LRMDA: variants seen among roughly 807,000 people sequenced by gnomAD.
The protein encoded by LRMDA is leucine rich melanocyte differentiation associated.
LRMDA carries 18 observed loss-of-function variants against 29.8 expected under a neutral mutation model. The observed-to-expected ratio is 0.60, with a 90% CI of 0.42 to 0.90. The LOEUF (loss-of-function observed/expected upper bound fraction) is 0.90, where lower values mean the gene tolerates loss of function less well. Ranked by LOEUF, LRMDA falls within the 40% of genes least tolerant of loss-of-function variation. The pLI is 0.00. For missense variants in LRMDA, 273 were observed against 273.9 expected, an observed-to-expected ratio of 1.00 and a Z score of 0.02; for synonymous variants, 125 against 109.4, an observed-to-expected ratio of 1.14 and a Z score of -0.89.
chr10:76,200,476 TCATC>T (rs1564683064), intron 5 of LRMDA, among the ~76,000 whole-genome samples: 1 of 152,190 alleles, frequency 6.6e-6, no homozygotes, highest in Non-Finnish European at 1.5e-5. Context: ...CTGATGCCAT[TCATC>T]GATCTAGTTG....
intron 2 of LRMDA, among the ~76,000 whole-genome samples, chr10:75,648,959 A>G (rs999661544): frequency 5.3e-5 from 8 of 152,206 alleles, no homozygotes; most frequent in African/African-American, 1.9e-4. Context: ...CTGTGGTCCC[A>G]TGTAACCCAT....
At chr10:76,133,288 ATTTTC>A (rs1850033105) in intron 5 of LRMDA, among the ~76,000 whole-genome samples, 1 of 151,782 alleles carries the variant, frequency 6.6e-6, no homozygotes. Flanking sequence ...GTGTGTGTAA[ATTTTC>A]TTAAGAAAGC....
chr10:75,648,365 AG>A lies in LRMDA; in HGVS notation c.131+209872del, dbSNP rs1391214012. On this transcript the variant is annotated intron_variant, in intron 2 of 6. Coordinates refer to ENST00000611255, the MANE Select transcript of LRMDA (RefSeq NM_001305581.2). ...CCTTTCCCTACAACTTGGGCTGCTC[AG>A]TGGAGCAGAATTATCTGCTTGAGAA... 2.6e-5 allele frequency among the ~76,000 whole-genome samples: 4 copies of A among 152,284 alleles called. No individual in the cohort carries two copies. In the East Asian group the frequency reaches 7.7e-4, roughly 29 times the overall value.
At chr10:75,602,850 G>C (rs953461225) in intron 2 of LRMDA, among the ~76,000 whole-genome samples, 1 of 152,162 alleles carries the variant, frequency 6.6e-6, no homozygotes, top group African/African-American at 2.4e-5. Flanking sequence ...TTATGAGTCT[G>C]TTCTCAAAAG....
rs377513928 is a variant in LRMDA, at chr10:76,027,699, T to A, written c.132-8309T>A. Among the ~76,000 whole-genome samples the A allele has an allele frequency of 1.0e-3, 154 of 152,322 alleles. 3 individuals carry two copies. The South Asian group carries it at 0.031, about 31-fold the overall frequency. ...CATGGAAGAAAATGCCCAGAAAAGC[T>A]TGGTGCAGATTAAAATTTGTGTGGA... is the stretch of plus-strand genomic sequence containing the variant. On this transcript the variant is annotated intron_variant, in intron 2 of 6. Transcript: ENST00000611255.
chr10:76,118,840 CTTTTTTTTTTTTT>C (rs962279433), intron 5 of LRMDA, among the ~76,000 whole-genome samples: 4 of 45,976 alleles, frequency 8.7e-5, no homozygotes, highest in African/African-American at 3.1e-4. Flanking sequence ...TGCAAATACA[CTTTTTTTTTTTTT>C]TTTTTTTTTT....
At chr10:76,084,900 A>G (rs1849109684) in intron 5 of LRMDA, among the ~76,000 whole-genome samples, 1 of 152,200 alleles carries the variant, frequency 6.6e-6, no homozygotes, top group African/African-American at 2.4e-5. Context: ...TCCTTGCTCA[A>G]TGTCATCTTC....
At chr10:76,047,448 A>G (rs1443989950) in intron 4 of LRMDA, 145 bp downstream of exon 4, 2 of 805,076 alleles carry the variant, frequency 2.5e-6, no homozygotes, top group African/African-American at 3.6e-5. Flanking sequence ...CCTTTTGGTA[A>G]CCTATAGCCA....
chr10:76,266,077 C>A (rs564295350), intron 5 of LRMDA, among the ~76,000 whole-genome samples: 1 of 152,120 alleles, frequency 6.6e-6, no homozygotes, highest in Non-Finnish European at 1.5e-5. Context: ...CCTCTTTAAG[C>A]CTTGATTAAC....
At chr10:76,494,463 G>A (rs1842863558) in intron 6 of LRMDA, among the ~76,000 whole-genome samples, 1 of 151,240 alleles carries the variant, frequency 6.6e-6, no homozygotes, top group African/African-American at 2.4e-5. Context: ...ATAGCATGAT[G>A]TCACCTCATT....
chr10:76,264,993 A>G (rs910367497), intron 5 of LRMDA, among the ~76,000 whole-genome samples: 1 of 152,210 alleles, frequency 6.6e-6, no homozygotes, highest in Non-Finnish European at 1.5e-5. Context: ...ACCTGTGGCA[A>G]TTTTAAACAT....
rs1319747027 is a variant in LRMDA, at chr10:76,557,320, T to A, written c.*32T>A. 2 of 1,526,804 alleles carry A rather than the reference T, an allele frequency of 1.3e-6. No homozygotes were observed. Among genetic ancestry groups the A allele is most frequent in the Non-Finnish European group, 1.8e-6 (2 of 1,104,800 alleles). 94.6% of individuals were successfully genotyped at this position (1,526,804 alleles called of 1,614,324 possible). A position where few individuals can be genotyped will look rare whatever the true frequency, so the allele number is the denominator to read the frequency against. On this transcript the variant is annotated 3_prime_UTR_variant, in exon 7 of 7. Transcript: ENST00000611255. ...CTTCTGTATACCTTCACCCATTTCA[T>A]GAAAATAAAATCAAAAGGGAAATCA...
intron 1 of LRMDA, among the ~76,000 whole-genome samples, chr10:75,433,676 C>T (rs1307978090): frequency 6.6e-6 from 1 of 152,052 alleles, no homozygotes; most frequent in African/African-American, 2.4e-5. Flanking sequence ...GTAGATCCTT[C>T]TTAAAGGGAG....
At position 76,377,197 on chromosome 10, in the gene LRMDA, T is replaced by G. The variant is rs368434866; in HGVS notation, c.601+52712T>G. 3.3e-5 allele frequency among the ~76,000 whole-genome samples: 5 copies of G among 152,246 alleles called. No individual in the cohort carries two copies. In the East Asian group the frequency reaches 9.7e-4, roughly 29 times the overall value. Reference sequence around the variant, plus strand: ...ACCACACCCAGCCGTATGTCTTCTTTTGAGAATGTCTGTTCATATCCTTTG... The same window carrying G: ...ACCACACCCAGCCGTATGTCTTCTTGTGAGAATGTCTGTTCATATCCTTTG... On this transcript the variant is annotated intron_variant, in intron 6 of 6. Coordinates refer to ENST00000611255, the MANE Select transcript of LRMDA (RefSeq NM_001305581.2).
At chr10:75,905,199 C>T (rs1845738478) in intron 2 of LRMDA, among the ~76,000 whole-genome samples, 1 of 150,352 alleles carries the variant, frequency 6.7e-6, no homozygotes, top group Non-Finnish European at 1.5e-5. Context: ...CACTATTTTC[C>T]AGAAAATGCA....
intron 6 of LRMDA, among the ~76,000 whole-genome samples, chr10:76,363,191 AGGG>A (rs1434469229): frequency 5.6e-5 from 1 of 17,766 alleles, no homozygotes; most frequent in Non-Finnish European, 1.5e-4. Context: ...GGAGGGAGGG[AGGG>A]AGGGAGGGAG....
At chr10:75,857,745 T>C (rs1384081875) in intron 2 of LRMDA, among the ~76,000 whole-genome samples, 1 of 152,220 alleles carries the variant, frequency 6.6e-6, no homozygotes, top group Non-Finnish European at 1.5e-5. Context: ...TTTTCTTGTT[T>C]ATACAGAAGT....
intron 5 of LRMDA, among the ~76,000 whole-genome samples, chr10:76,119,307 A>G: frequency 6.6e-6 from 1 of 152,090 alleles, no homozygotes; most frequent in East Asian, 1.9e-4. Context: ...CTTAAATGGC[A>G]GGGCAGCATA....
intron 2 of LRMDA, among the ~76,000 whole-genome samples, chr10:75,772,218 G>A (rs1360972294): frequency 6.6e-6 from 1 of 152,058 alleles, no homozygotes; most frequent in Non-Finnish European, 1.5e-5. Context: ...CTTTTATTGT[G>A]CAATCATTAA....
Sources: allele counts gnomAD v4.1 joint callset (sites outside exome capture counted in the v4.1 genomes callset), GRCh38; gene constraint gnomAD v4.1.1; transcripts MANE v1.5; gene names NCBI Gene and HGNC (gene_info 2026-07-23, HGNC 2026-07-21).